Variants in MTUS1 observed in about 807,000 individuals in gnomAD.
MTUS1 encodes microtubule-associated tumor suppressor 1.
In MTUS1, 109 loss-of-function variants were observed where a neutral mutation model predicts 120.8. That is an observed-to-expected ratio of 0.90 (90% CI 0.77 to 1.06). MTUS1 has a LOEUF of 1.06. Among genes scored for constraint, MTUS1 ranks in the 50% least tolerant of loss-of-function variants. The pLI is 0.00. For synonymous variants in MTUS1, 737 were observed against 550.5 expected (o/e 1.34, Z -4.74); for missense variants, 2,210 against 1,486.3 (o/e 1.49, Z -8.01).
At chr8:17,715,676 C>A (rs1436083183) in intron 5 of MTUS1, 91 bp downstream of exon 5, 3 of 1,277,548 alleles carry the variant, frequency 2.3e-6, no homozygotes, top group Non-Finnish European at 3.3e-6. Flanking sequence ...GTTGACTATA[C>A]CATAAACCTA....
At chr8:17,695,443 C>T (rs538044746) in intron 6 of MTUS1, among the ~76,000 whole-genome samples, 1 of 152,230 alleles carries the variant, frequency 6.6e-6, no homozygotes, top group Non-Finnish European at 1.5e-5. Context: ...ATTAGATCAC[C>T]TCTATGTGAA....
chr8:17,669,883 T>G (rs1051668205), intron 8 of MTUS1, among the ~76,000 whole-genome samples: 1 of 151,970 alleles, frequency 6.6e-6, no homozygotes, highest in Non-Finnish European at 1.5e-5. Flanking sequence ...TAGAGACACA[T>G]GTCAGCCTGA....
At chr8:17,745,845 C>G (rs112560028) in intron 2 of MTUS1, among the ~76,000 whole-genome samples, 5 of 152,268 alleles carry the variant, frequency 3.3e-5, no homozygotes, top group Admixed American at 1.3e-4. Flanking sequence ...GTGTCCCCAC[C>G]CAAATCTCAC....
At chr8:17,783,802 C>G (rs1319903039) in intron 1 of MTUS1, among the ~76,000 whole-genome samples, 1 of 152,146 alleles carries the variant, frequency 6.6e-6, no homozygotes, top group Non-Finnish European at 1.5e-5. Context: ...CAGTAACATG[C>G]AGACTCCATC....
At chr8:17,698,020 C>A (rs1262770721) in intron 6 of MTUS1, among the ~76,000 whole-genome samples, 3 of 151,998 alleles carry the variant, frequency 2.0e-5, no homozygotes, top group Middle Eastern at 3.4e-3. Flanking sequence ...TAAATGTTCT[C>A]AACTACAATA....
At chr8:17,675,036 T>C in intron 8 of MTUS1, 150 bp downstream of exon 8, 2 of 1,438,874 alleles carry the variant, frequency 1.4e-6, no homozygotes, top group Non-Finnish European at 9.1e-7. Context: ...TCAAAAGAAA[T>C]GTCGATAGTA....
intron 8 of MTUS1, chr8:17,674,344 C>A: frequency 4.8e-6 from 2 of 415,188 alleles, no homozygotes; most frequent in Non-Finnish European, 6.5e-6. Flanking sequence ...TGCTTGAACC[C>A]GGGAGGCGGA....
chr8:17,785,521 G>A (rs532609746), intron 1 of MTUS1, among the ~76,000 whole-genome samples: 10 of 152,156 alleles, frequency 6.6e-5, no homozygotes, highest in Admixed American at 1.3e-4. Context: ...AAATTTGTAC[G>A]ACTGCCAACA....
intron 1 of MTUS1, among the ~76,000 whole-genome samples, chr8:17,792,961 A>C (rs1288877705): frequency 6.6e-6 from 1 of 152,254 alleles, no homozygotes; most frequent in South Asian, 2.1e-4. Flanking sequence ...CTAGAGAACT[A>C]TTGAAAAGTT....
chr8:17,769,038 T>C (rs1277107799), intron 1 of MTUS1, among the ~76,000 whole-genome samples: 1 of 152,042 alleles, frequency 6.6e-6, no homozygotes, highest in Non-Finnish European at 1.5e-5. Context: ...ACTCACACTA[T>C]GCAATTAAAA....
chr8:17,758,421 A>T (rs544701193), intron 1 of MTUS1, among the ~76,000 whole-genome samples: 1 of 152,224 alleles, frequency 6.6e-6, no homozygotes, highest in Non-Finnish European at 1.5e-5. Flanking sequence ...ATACTGATGG[A>T]AAGTGTAAAT....
intron 4 of MTUS1, chr8:17,722,671 T>G: frequency 1.1e-5 from 5 of 448,236 alleles, no homozygotes; most frequent in Middle Eastern, 1.1e-3. Flanking sequence ...GCATTCTCAA[T>G]TCCCTCACAT....
rs1002569266 is a variant in MTUS1, at chr8:17,644,263, A to T, written c.*1663T>A. The T allele has an allele frequency of 6.6e-6, 1 of 152,656 alleles. No homozygotes were observed. Among genetic ancestry groups the T allele is most frequent in the Non-Finnish European group, 1.5e-5 (1 of 68,046 alleles). 9.5% of individuals were successfully genotyped at this position (152,656 alleles called of 1,614,324 possible). On this transcript the variant is annotated 3_prime_UTR_variant, in exon 15 of 15. Coordinates refer to ENST00000693296, the MANE Select transcript of MTUS1 (RefSeq NM_001363059.2). Reference sequence around the variant, plus strand: ...TTGGAAGTTAAAGACTTAAGACACAAAATCACTAATTTAAAAGAACATGCA... The same window carrying T: ...TTGGAAGTTAAAGACTTAAGACACATAATCACTAATTTAAAAGAACATGCA...
intron 3 of MTUS1, among the ~76,000 whole-genome samples, chr8:17,727,668 G>C (rs2046310186): frequency 6.6e-6 from 1 of 152,176 alleles, no homozygotes; most frequent in African/African-American, 2.4e-5. Context: ...CTGAGTTACA[G>C]TTCCGAAAAG....
At chr8:17,662,689 A>T (rs10094569) in intron 8 of MTUS1, among the ~76,000 whole-genome samples, 3,462 of 152,078 alleles carry the variant, frequency 0.023, 77 homozygotes, top group African/African-American at 0.057. Context: ...TCTATTTTTT[A>T]AAAAAGCACA....
At chr8:17,735,392 C>G (rs1007453206) in intron 3 of MTUS1, among the ~76,000 whole-genome samples, 1 of 152,188 alleles carries the variant, frequency 6.6e-6, no homozygotes, top group African/African-American at 2.4e-5. Context: ...AACATGCATT[C>G]TACTATCCGT....
intron 2 of MTUS1, among the ~76,000 whole-genome samples, chr8:17,751,563 C>A (rs545713882): frequency 6.1e-5 from 4 of 65,530 alleles, no homozygotes; most frequent in African/African-American, 1.3e-4. Flanking sequence ...CAGACATGAT[C>A]GTGAAAAAAG....
chr8:17,723,215 C>A lies in MTUS1; in HGVS notation c.2449+457G>T, dbSNP rs79861092. The A allele has an allele frequency of 3.9e-5, 7 of 181,762 alleles. No individual in the cohort carries two copies. In the East Asian group the frequency reaches 9.8e-4, roughly 25 times the overall value. The allele number at this position is 181,762 out of a possible 1,614,324, so 11.3% of individuals were successfully genotyped here. A position where few individuals can be genotyped will look rare whatever the true frequency, so the allele number is the denominator to read the frequency against. Reference sequence around the variant, plus strand: ...TCATTTATACACAGAAAATAGAACTCACGTTAACTGAAAACTTTAACAAAA... The same window carrying A: ...TCATTTATACACAGAAAATAGAACTAACGTTAACTGAAAACTTTAACAAAA... On this transcript the variant is annotated intron_variant, in intron 4 of 14. Transcript: ENST00000693296.
chr8:17,700,300 C>G (rs1585790036), intron 6 of MTUS1, among the ~76,000 whole-genome samples: 1 of 151,874 alleles, frequency 6.6e-6, no homozygotes, highest in East Asian at 1.9e-4. Flanking sequence ...GAAACCCCGT[C>G]TCTACTAAAA....
Sources: gnomAD v4.1 joint callset for allele counts (sites outside exome capture counted in the v4.1 genomes callset) on GRCh38, gnomAD v4.1.1 for gene constraint, MANE v1.5 for transcripts, NCBI Gene and HGNC (gene_info 2026-07-23, HGNC 2026-07-21) for gene names.